The following USP35 variants were observed in gnomAD, a reference collection of about 807,000 sequenced individuals.
USP35 encodes the protein ubiquitin specific peptidase 35, also known as ubiquitin carboxyl-terminal hydrolase 35.
In USP35, 69 loss-of-function variants were observed where a neutral mutation model predicts 83.8. The observed-to-expected ratio is 0.82, with a 90% CI of 0.68 to 1.01. USP35 has a LOEUF of 1.01. USP35 is among the 50% of genes least tolerant of loss of function. The pLI is 0.00. For synonymous variants in USP35, 714 were observed against 589.5 expected (o/e 1.21, Z -3.06); for missense variants, 1,503 against 1,362.5 (o/e 1.10, Z -1.62).
At chr11:78,198,216 G>A (rs1863215360) in intron 3 of USP35, 148 bp downstream of exon 3, 1 of 1,320,978 alleles carries the variant, frequency 7.6e-7, no homozygotes, top group Non-Finnish European at 1.0e-6. Flanking sequence ...ATCCTTTCTT[G>A]AGCCCTGCTC....
At chr11:78,213,196 G>A (rs1327561990) in intron 10 of USP35, among the ~76,000 whole-genome samples, 1 of 152,210 alleles carries the variant, frequency 6.6e-6, no homozygotes, top group Non-Finnish European at 1.5e-5. Flanking sequence ...CAGGCTCTCA[G>A]GGACAGCTTC....
chr11:78,198,971 A>T (rs1400142160), intron 3 of USP35: 1 of 153,562 alleles, frequency 6.5e-6, no homozygotes, highest in Non-Finnish European at 1.4e-5. Context: ...TTTCTAGCAC[A>T]GTCTGCTGAG....
At chr11:78,202,703 T>A (rs1863392586) in intron 6 of USP35, among the ~76,000 whole-genome samples, 1 of 152,186 alleles carries the variant, frequency 6.6e-6, no homozygotes, top group Non-Finnish European at 1.5e-5. Context: ...CAAAGCTGCC[T>A]TACAATGGAA....
intron 10 of USP35, 31 bp from the exon 11 acceptor site, chr11:78,213,613 TAA>T: frequency 1.0e-6 from 1 of 967,534 alleles, no homozygotes; most frequent in South Asian, 3.1e-5. Context: ...GTGTGAATTC[TAA>T]GTCTAAGTCT....
At chr11:78,221,179 T>A in the USP35 span, among the ~76,000 whole-genome samples, 1 of 152,212 alleles carries the variant, frequency 6.6e-6, no homozygotes, top group Admixed American at 6.5e-5. Flanking sequence ...GCTTTACTGG[T>A]TGGTTAATTC....
At position 78,208,953 on chromosome 11, in the gene USP35, C is replaced by CT. The variant is rs749549845; in HGVS notation, c.1583dup (p.Leu529AlafsTer76). On this transcript the variant is annotated frameshift_variant, in exon 9 of 11. Coordinates refer to ENST00000529308, the MANE Select transcript of USP35 (RefSeq NM_020798.4). LOFTEE classifies it high-confidence loss of function. The stretch of plus-strand genomic sequence containing the variant: ...GGACTGCTCGGAGTATCTGAAGTAC[C>CT]TGCTGGATCGGTAAGGGGGCCAGGG... 6.2e-7 allele frequency: 1 copy of CT among 1,614,132 alleles called. No homozygotes were observed. The highest frequency in any genetic ancestry group is 1.7e-5 in the Admixed American group (1 of 60,010).
the USP35 span, among the ~76,000 whole-genome samples, chr11:78,221,015 C>A: frequency 6.6e-6 from 1 of 152,236 alleles, no homozygotes; most frequent in East Asian, 1.9e-4. Context: ...GTGGCTTCAT[C>A]TCCAGGCTGC....
chr11:78,221,117 G>A, the USP35 span, among the ~76,000 whole-genome samples: 646 of 152,290 alleles, frequency 4.2e-3, 5 homozygotes, highest in Non-Finnish European at 3.8e-3. Context: ...AGAACTTTCT[G>A]GAAGTCTTAT....
chr11:78,222,326 C>G, the USP35 span: 105 of 651,166 alleles, frequency 1.6e-4, no homozygotes, highest in African/African-American at 1.7e-3. Flanking sequence ...GGGAAACTGA[C>G]GCTCAGCGAG....
In USP35 at chr11:78,214,542, C is replaced by T. The variant is rs1211985207; in HGVS notation, c.*729C>T. 2.0e-5 allele frequency: 3 copies of T among 150,290 alleles called. No individual in the cohort carries two copies. The highest frequency in any genetic ancestry group is 7.5e-5 in the African/African-American group (3 of 40,064). 9.3% of individuals were successfully genotyped at this position (150,290 alleles called of 1,614,324 possible). A position where few individuals can be genotyped will look rare whatever the true frequency, so the allele number is the denominator to read the frequency against. On this transcript the variant is annotated 3_prime_UTR_variant, in exon 11 of 11. Coordinates refer to ENST00000529308, the MANE Select transcript of USP35 (RefSeq NM_020798.4). ...TCATGTTCCTTGTGAAGTGTGGGCT[C>T]TTAGGAAGCCTGTGGGCTCCTCTGA...
At chr11:78,202,217 TC>T (rs1445621534) in intron 6 of USP35, among the ~76,000 whole-genome samples, 1 of 152,064 alleles carries the variant, frequency 6.6e-6, no homozygotes, top group East Asian at 1.9e-4. Context: ...TTTGGGCCTA[TC>T]CCCAGCAGGG....
chr11:78,226,412 A>G, the USP35 span: 1 of 1,375,170 alleles, frequency 7.3e-7, no homozygotes. Flanking sequence ...ACTATTGAGA[A>G]CCCCTGTGTT....
intron 7 of USP35, 62 bp from the exon 8 acceptor site, chr11:78,207,468 G>C: frequency 6.5e-7 from 1 of 1,546,340 alleles, no homozygotes; most frequent in East Asian, 2.2e-5. Flanking sequence ...CTGTGACATG[G>C]GTGACTAGAG....
In USP35 at chr11:78,213,713, G is replaced by T. The variant is rs760408898; in HGVS notation, c.2957G>T (p.Gly986Val). ...ISALPTSPHW[G>V]RGFDEDKDED... is the part of the protein sequence containing the mutation. ...GCACTCCCCACATCTCCGCACTGGG[G>T]GAGGGGCTTTGATGAAGACAAGGAT... Residue 986 changes from glycine (G) to valine (V), a missense_variant, in exon 11 of 11, where the codon GGG (glycine) becomes GTG (valine). Gly to Val is a moderately radical substitution (Grantham distance 109). Transcript: ENST00000529308. The T allele has an allele frequency of 1.8e-4, 274 of 1,534,018 alleles. No individual in the cohort carries two copies. Among genetic ancestry groups the T allele is most frequent in the Non-Finnish European group, 2.3e-4 (262 of 1,150,832 alleles).
At position 78,201,737 on chromosome 11, in the gene USP35, T is replaced by G. The variant is rs115270147; in HGVS notation, c.1197+929T>G. ...AACCTACAAAGATGATACGGTTCAT[T>G]TCAATCTCATAGATGAGGAAAAGGA... On this transcript the variant is annotated intron_variant, in intron 6 of 10. Coordinates refer to ENST00000529308, the MANE Select transcript of USP35 (RefSeq NM_020798.4). Among the ~76,000 whole-genome samples the G allele has an allele frequency of 7.9e-3, 1,208 of 152,268 alleles. 12 individuals are homozygous for G. Among genetic ancestry groups the G allele is most frequent in the African/African-American group, 0.027 (1,142 of 41,544 alleles).
Position 78,209,529 on chromosome 11 carries a change from C to G in USP35, c.1674C>G (p.Pro558=). Residue 558 remains proline (P), a synonymous_variant, in exon 10 of 11, where the codon CCC becomes CCG. Transcript: ENST00000529308. ...QSSSPSPPEE[P]PAPSSTSVEK... ...GCTCGCCCTCTCCGCCCGAGGAGCC[C>G]CCGGCCCCAAGTTCAACCTCTGTGG... The G allele has an allele frequency of 6.2e-7, 1 of 1,614,116 alleles. No homozygotes were observed. The highest frequency in any genetic ancestry group is 1.6e-4 in the Middle Eastern group (1 of 6,062).
chr11:78,199,634 T>C lies in USP35; in HGVS notation c.846T>C (p.Ile282=), dbSNP rs757372407. The C allele has an allele frequency of 6.2e-7, 1 of 1,614,126 alleles. No individual in the cohort carries two copies. The highest frequency in any genetic ancestry group is 2.2e-5 in the East Asian group (1 of 44,882). ...TGTCCTGGCCCCTGGGGAAGAATAT[T>C]GACAAGTGGATCATTGCACTGCTGA... ...DWVSWPLGKN[I]DKWIIALLKG... The change falls in exon 4 of 11, where the codon ATT becomes ATC. Residue 282 remains isoleucine, a synonymous_variant. Transcript: ENST00000529308.
chr11:78,220,008 C>A (rs561293790), downstream of USP35, among the ~76,000 whole-genome samples: 2 of 152,280 alleles, frequency 1.3e-5, no homozygotes, highest in Admixed American at 1.3e-4. Context: ...ATTCCTGGAT[C>A]TGTTGCTGAT....
chr11:78,220,036 G>C (rs1864341783), downstream of USP35, among the ~76,000 whole-genome samples: 1 of 152,128 alleles, frequency 6.6e-6, no homozygotes, highest in East Asian at 1.9e-4. Flanking sequence ...GTAACCTTAG[G>C]ACAATCAGAT....
Sources: allele counts gnomAD v4.1 joint callset (sites outside exome capture counted in the v4.1 genomes callset), GRCh38; gene constraint gnomAD v4.1.1; transcripts MANE v1.5; gene names NCBI Gene and HGNC (gene_info 2026-07-23, HGNC 2026-07-21).